DHX36: variants seen among roughly 807,000 people sequenced by gnomAD.
DHX36 encodes DEAH-box helicase 36, also known as ATP-dependent DNA/RNA helicase DHX36.
DHX36 carries 50 observed loss-of-function variants against 139.0 expected under a neutral mutation model. The ratio of observed to expected loss-of-function variants is 0.36; its 90% CI spans 0.29 to 0.46. The LOEUF (loss-of-function observed/expected upper bound fraction) is 0.46. Among genes scored for constraint, DHX36 ranks in the 20% least tolerant of loss-of-function variants. The probability of loss-of-function intolerance (pLI) is 1.00; values close to 1 mark genes in which losing one functional copy is unlikely to be tolerated. For synonymous variants in DHX36, 425 were observed against 401.9 expected (o/e 1.06, Z -0.69); for missense variants, 1,024 against 1,211.3 (o/e 0.85, Z 2.29).
intron 1 of DHX36, among the ~76,000 whole-genome samples, chr3:154,320,543 G>A (rs1357571978): frequency 1.7e-5 from 2 of 117,514 alleles, no homozygotes; most frequent in Non-Finnish European, 3.8e-5. Flanking sequence ...ATTTTTCTAG[G>A]CATCAGATCT....
At chr3:154,286,166 CAAAAAAAAAAAAA>C (rs60041573) in intron 17 of DHX36, among the ~76,000 whole-genome samples, 6 of 16,580 alleles carry the variant, frequency 3.6e-4, no homozygotes, top group African/African-American at 7.6e-4. Context: ...TTCCACACAC[CAAAAAAAAAAAAA>C]AAAAAAAAAA....
intron 9 of DHX36, 97 bp from the exon 10 acceptor site, chr3:154,301,224 T>C: frequency 8.2e-7 from 1 of 1,218,318 alleles, no homozygotes; most frequent in Middle Eastern, 2.8e-4. Context: ...CAAAAAGGAT[T>C]CCAAAGAACA....
At chr3:154,287,266 A>T (rs906134547) in intron 17 of DHX36, among the ~76,000 whole-genome samples, 3 of 152,088 alleles carry the variant, frequency 2.0e-5, no homozygotes, top group African/African-American at 7.2e-5. Flanking sequence ...AAAACAGTAA[A>T]TTTTTTTTAA....
At chr3:154,299,752 C>T (rs1210095597) in intron 12 of DHX36, 86 bp downstream of exon 12, 2 of 962,776 alleles carry the variant, frequency 2.1e-6, no homozygotes, top group Non-Finnish European at 3.4e-6. Context: ...AGAAGCAACA[C>T]TTCTTTGAAT....
At chr3:154,291,134 CAAAAAAAAAAAAA>C (rs71152798) in intron 15 of DHX36, among the ~76,000 whole-genome samples, 11 of 61,050 alleles carry the variant, frequency 1.8e-4, no homozygotes, top group South Asian at 9.0e-4. Context: ...GACTCCGTCT[CAAAAAAAAAAAAA>C]AAAAAAAAAA....
At chr3:154,323,699 G>A (rs1283108622) in intron 1 of DHX36, among the ~76,000 whole-genome samples, 1 of 152,048 alleles carries the variant, frequency 6.6e-6, no homozygotes, top group African/African-American at 2.4e-5. Flanking sequence ...AATAAAAGCT[G>A]GACTATTTTT....
Position 154,275,189 on chromosome 3 carries a change from A to C in DHX36, c.*982T>G, listed in dbSNP as rs1308857916. 1 of 152,236 alleles carries C rather than the reference A, an allele frequency of 6.6e-6. No homozygotes were observed. Among genetic ancestry groups the C allele is most frequent in the Non-Finnish European group, 1.5e-5 (1 of 68,078 alleles). 9.4% of individuals were successfully genotyped at this position (152,236 alleles called of 1,614,324 possible). On this transcript the variant is annotated 3_prime_UTR_variant, in exon 25 of 25. Coordinates refer to ENST00000496811, the MANE Select transcript of DHX36 (RefSeq NM_020865.3). ...AAATCCATGGATGCTCAAGTCTTTT[A>C]TAATAAAATGGCGTAGTATTTGCAT...
Position 154,275,504 on chromosome 3 carries a change from G to C in DHX36, c.*667C>G, listed in dbSNP as rs1403681676. The C allele has an allele frequency of 6.6e-6, 1 of 152,586 alleles. No homozygotes were observed. Among genetic ancestry groups the C allele is most frequent in the Non-Finnish European group, 1.5e-5 (1 of 68,060 alleles). The allele number at this position is 152,586 out of a possible 1,614,324, so 9.5% of individuals were successfully genotyped here. ...AAGCCAAGACACTGACTAACTGACA[G>C]AGCTGAGACTGGAACTGAGGTAATC... On this transcript the variant is annotated 3_prime_UTR_variant, in exon 25 of 25. Transcript: ENST00000496811.
chr3:154,306,491 T>C (rs753745822), intron 5 of DHX36, among the ~76,000 whole-genome samples, 196 bp from the exon 6 acceptor site: 1 of 152,196 alleles, frequency 6.6e-6, no homozygotes, highest in African/African-American at 2.4e-5. Context: ...TTTCCTCTTA[T>C]AAAGTCTTTT....
chr3:154,300,623 G>C lies in DHX36; in HGVS notation c.1432C>G (p.Leu478Val), dbSNP rs536514494. The C allele has an allele frequency of 2.5e-6, 4 of 1,613,632 alleles. No homozygotes were observed. The highest frequency in any genetic ancestry group is 3.4e-6 in the Non-Finnish European group (4 of 1,179,780). Residue 478 changes from leucine (L) to valine (V), a missense_variant, in exon 11 of 25, where the codon CTC (leucine) becomes GTC (valine). This residue lies in a region of DHX36 where 115 missense variants were observed against 105.6 expected (regional missense o/e 1.09). Coordinates refer to ENST00000496811, the MANE Select transcript of DHX36 (RefSeq NM_020865.3). The part of the protein sequence containing the change: ...DKVDLNLIVA[L>V]IRYIVLEEED... The stretch of plus-strand genomic sequence containing the variant: ...TCTTCCAAAACAATGTATCGGATGA[G>C]GGCAACAATCAAATTCAGATCAACT...
chr3:154,315,013 A>G (rs1287266168), intron 3 of DHX36, 33 bp downstream of exon 3: 4 of 1,477,254 alleles, frequency 2.7e-6, no homozygotes, highest in East Asian at 2.3e-5. Flanking sequence ...TAAGAAAAAA[A>G]TGACAAAATA....
At chr3:154,298,959 C>A (rs1712151178) in intron 12 of DHX36, among the ~76,000 whole-genome samples, 1 of 151,018 alleles carries the variant, frequency 6.6e-6, no homozygotes, top group African/African-American at 2.4e-5. Flanking sequence ...AAAAGCACTT[C>A]AACAGAGTAG....
At chr3:154,312,493 A>G (rs1712797330) in intron 3 of DHX36, among the ~76,000 whole-genome samples, 1 of 152,104 alleles carries the variant, frequency 6.6e-6, no homozygotes, top group Non-Finnish European at 1.5e-5. Context: ...TAATGTAAAA[A>G]AAAAACTTCA....
chr3:154,302,241 G>A (rs903135626), intron 9 of DHX36, among the ~76,000 whole-genome samples: 3 of 152,196 alleles, frequency 2.0e-5, no homozygotes, highest in African/African-American at 7.2e-5. Flanking sequence ...AAAGTTCCCA[G>A]AGTTTGTGTG....
rs192966085 is a variant in DHX36 at position 154,315,853 on chromosome 3, T to G, written c.368+186A>C. 1.7e-4 allele frequency among the ~76,000 whole-genome samples: 26 copies of G among 152,246 alleles called. No individual in the cohort carries two copies. In the East Asian group the frequency reaches 4.6e-3, roughly 27 times the overall value. On this transcript the variant is annotated intron_variant, in intron 2 of 24. Coordinates refer to ENST00000496811, the MANE Select transcript of DHX36 (RefSeq NM_020865.3). Reference sequence around the variant, plus strand: ...TCCAGATACACTATTATTCATACCATTTAGCTTTCCTATGGAAACATGCCA... The same window carrying G: ...TCCAGATACACTATTATTCATACCAGTTAGCTTTCCTATGGAAACATGCCA...
chr3:154,303,342 T>C lies in DHX36; in HGVS notation c.1204A>G (p.Ile402Val). ...PVVEYLLEDV[I>V]EKIRYVPEQK... is the part of the protein sequence containing the mutation. Reference sequence around the variant, plus strand: ...ATGTTTACTTACCTTATTTTTTCAATTACATCTTCCAAAAGATATTCCACA... The same window carrying C: ...ATGTTTACTTACCTTATTTTTTCAACTACATCTTCCAAAAGATATTCCACA... The change falls in exon 9 of 25, where the codon ATT (isoleucine) becomes GTT (valine). Residue 402 changes from isoleucine to valine, a missense_variant. By Grantham distance (29) the Ile-to-Val change is conservative. This residue lies in a region of DHX36 where 115 missense variants were observed against 105.6 expected (regional missense o/e 1.09). Coordinates refer to ENST00000496811, the MANE Select transcript of DHX36 (RefSeq NM_020865.3). The C allele has an allele frequency of 3.1e-6, 5 of 1,600,904 alleles. No individual in the cohort carries two copies. Among genetic ancestry groups the C allele is most frequent in the Non-Finnish European group, 4.3e-6 (5 of 1,172,618 alleles).
At chr3:154,276,711 C>T (rs1169389261) in intron 24 of DHX36, 36 bp downstream of exon 24, 6 of 1,601,636 alleles carry the variant, frequency 3.7e-6, no homozygotes, top group Non-Finnish European at 5.1e-6. Context: ...TGCTGACTTA[C>T]ATGTAGATTT....
rs372725013 is a variant in DHX36 at position 154,312,993 on chromosome 3, ACAGT to A, written c.604-1323_604-1320del. Among the ~76,000 whole-genome samples the A allele has an allele frequency of 4.4e-4, 65 of 149,168 alleles. No individual in the cohort carries two copies. The South Asian group carries it at 6.5e-3, about 15-fold the overall frequency. ...AATTCTTACCAATACCATAAAAATA[ACAGT>A]CAATGTGAAGACTGAAATGAATTCT... On this transcript the variant is annotated intron_variant, in intron 3 of 24. Coordinates refer to ENST00000496811, the MANE Select transcript of DHX36 (RefSeq NM_020865.3).
chr3:154,307,804 A>AAAT (rs1307578718), intron 5 of DHX36, among the ~76,000 whole-genome samples: 1 of 152,020 alleles, frequency 6.6e-6, no homozygotes, highest in East Asian at 1.9e-4. Context: ...TGTCAAAAAA[A>AAAT]AAAAAATACT....
Sources: gnomAD v4.1 joint callset for allele counts (sites outside exome capture counted in the v4.1 genomes callset) on GRCh38, gnomAD v4.1.1 for gene constraint, gnomAD v4.1.1 regional missense constraint, MANE v1.5 for transcripts, NCBI Gene and HGNC (gene_info 2026-07-23, HGNC 2026-07-21) for gene names.